The following DLG2 variants were observed in gnomAD, a reference collection of about 807,000 sequenced individuals.
DLG2 encodes the protein disks large homolog 2.
DLG2 carries 45 observed loss-of-function variants against 132.5 expected under a neutral mutation model. The observed-to-expected ratio is 0.34, with a 90% CI of 0.27 to 0.44. The LOEUF is 0.44. Ranked by LOEUF, DLG2 falls within the 20% of genes least tolerant of loss-of-function variation. The pLI, the probability that DLG2 is intolerant of heterozygous loss-of-function variation, is 1.00. For synonymous variants in DLG2, 424 were observed against 419.6 expected (o/e 1.01, Z -0.13); for missense variants, 1,045 against 1,196.9 (o/e 0.87, Z 1.87).
At chr11:84,929,106 C>A (rs976235388) in intron 6 of DLG2, among the ~76,000 whole-genome samples, 10 of 147,618 alleles carry the variant, frequency 6.8e-5, no homozygotes, top group African/African-American at 2.5e-4. Context: ...TTGATCCTTA[C>A]ATAAGCCCTA....
At chr11:85,220,537 C>T (rs1342681685) in intron 4 of DLG2, among the ~76,000 whole-genome samples, 1 of 151,454 alleles carries the variant, frequency 6.6e-6, no homozygotes, top group Admixed American at 6.6e-5. Flanking sequence ...CTCTCCACTA[C>T]CAACTAAATA....
chr11:83,553,385 A>T (rs1010030950), intron 19 of DLG2, among the ~76,000 whole-genome samples: 3 of 152,130 alleles, frequency 2.0e-5, no homozygotes, highest in African/African-American at 7.2e-5. Flanking sequence ...ATTCAATAAA[A>T]CATGGTAGAA....
At chr11:85,155,896 G>A (rs539804451) in intron 4 of DLG2, among the ~76,000 whole-genome samples, 6 of 151,220 alleles carry the variant, frequency 4.0e-5, no homozygotes, top group South Asian at 2.1e-4. Context: ...TTTAATGCAC[G>A]TTAATGAGGA....
At chr11:83,997,448 A>C (rs558070141) in intron 11 of DLG2, among the ~76,000 whole-genome samples, 2 of 152,214 alleles carry the variant, frequency 1.3e-5, no homozygotes, top group Admixed American at 1.3e-4. Flanking sequence ...GACTATGCCA[A>C]ATAAGACCAG....
chr11:84,453,584 T>G (rs1021270924), intron 7 of DLG2, among the ~76,000 whole-genome samples: 1 of 151,690 alleles, frequency 6.6e-6, no homozygotes, highest in African/African-American at 2.4e-5. Context: ...GTGGTTAAGA[T>G]GACTACCAAA....
chr11:83,633,343 G>A lies in DLG2; in HGVS notation c.1826-18C>T, dbSNP rs766224405. 6.2e-7 allele frequency: 1 copy of A among 1,608,448 alleles called. No homozygotes were observed. Among genetic ancestry groups the A allele is most frequent in the South Asian group, 1.1e-5 (1 of 90,360 alleles). ...AGCGTAATCTGGGAATGAAAACAAA[G>A]GTAGCAAATTTTGCTCTGTGCCCTC... On this transcript the variant is annotated intron_variant, in intron 18 of 27. Coordinates refer to ENST00000376104, the MANE Select transcript of DLG2 (RefSeq NM_001142699.3).
chr11:84,861,084 C>T lies in DLG2; in HGVS notation c.357+250577G>A, dbSNP rs1600081617. Among the ~76,000 whole-genome samples the T allele has an allele frequency of 5.9e-5, 9 of 152,052 alleles. No homozygotes were observed. In the South Asian group the frequency reaches 1.9e-3, roughly 32 times the overall value. ...AACCACAATACAGTATGAGAAATAC[C>T]ACTAAAATGGTACTTGGTAACAGCA... On this transcript the variant is annotated intron_variant, in intron 6 of 27. Coordinates refer to ENST00000376104, the MANE Select transcript of DLG2 (RefSeq NM_001142699.3).
intron 6 of DLG2, among the ~76,000 whole-genome samples, chr11:84,881,509 A>C (rs1039220840): frequency 6.6e-6 from 1 of 152,100 alleles, no homozygotes; most frequent in Non-Finnish European, 1.5e-5. Flanking sequence ...TGCCAATTCA[A>C]AGGGTCCAGT....
chr11:84,566,858 G>C (rs960474114), intron 6 of DLG2, among the ~76,000 whole-genome samples: 4 of 152,084 alleles, frequency 2.6e-5, no homozygotes, highest in Admixed American at 6.6e-5. Context: ...GTCCTTTCTC[G>C]AGTCTGCAGA....
chr11:84,169,668 T>A (rs1430403687), intron 8 of DLG2, among the ~76,000 whole-genome samples: 1 of 148,392 alleles, frequency 6.7e-6, no homozygotes, highest in Non-Finnish European at 1.5e-5. Context: ...AAGTCAGGAG[T>A]TCATGATCAG....
chr11:84,778,664 T>C (rs1412933094), intron 6 of DLG2, among the ~76,000 whole-genome samples: 2 of 152,144 alleles, frequency 1.3e-5, no homozygotes, highest in Non-Finnish European at 2.9e-5. Context: ...TCACCTTCTG[T>C]GATGGTTAAT....
chr11:85,583,088 ATGTGTGTGTG>A lies in DLG2; in HGVS notation c.40+15559_40+15568del, dbSNP rs3068389. Among the ~76,000 whole-genome samples, 103 of 29,824 alleles carry A rather than the reference ATGTGTGTGTG, an allele frequency of 3.5e-3. 1 individual carries two copies. The highest frequency in any genetic ancestry group is 5.7e-3 in the South Asian group (4 of 702). 19.6% of individuals were successfully genotyped at this position (29,824 alleles called of 152,430 possible). A position where few individuals can be genotyped will look rare whatever the true frequency, so the allele number is the denominator to read the frequency against. ...TATATATATATATATAATATATGTG[ATGTGTGTGTG>A]TGTGTGTGTGTGTGTGTGTGTGTGT... On this transcript the variant is annotated intron_variant, in intron 3 of 27. Transcript: ENST00000376104.
At position 85,587,657 on chromosome 11, in the gene DLG2, G is replaced by A. The variant is rs546972638; in HGVS notation, c.40+11000C>T. 1.2e-4 allele frequency among the ~76,000 whole-genome samples: 19 copies of A among 152,262 alleles called. No homozygotes were observed. The East Asian group carries it at 3.5e-3, about 28-fold the overall frequency. ...GGATTTTTATCCATGCTGCCATTCT[G>A]TATTTTTTAAGTGAGCATTTAGGTC... On this transcript the variant is annotated intron_variant, in intron 3 of 27. Transcript: ENST00000376104.
chr11:84,702,564 C>A (rs1813560795), intron 6 of DLG2, among the ~76,000 whole-genome samples: 1 of 151,618 alleles, frequency 6.6e-6, no homozygotes, highest in South Asian at 2.1e-4. Context: ...CCTTGATTAT[C>A]CTCTCAAATA....
At chr11:85,490,924 G>C (rs563026301) in intron 3 of DLG2, among the ~76,000 whole-genome samples, 89 of 152,160 alleles carry the variant, frequency 5.8e-4, no homozygotes, top group Non-Finnish European at 9.7e-4. Context: ...TTCAATCTAT[G>C]AGGCCGGTAC....
At chr11:84,975,650 T>G (rs2054792995) in intron 6 of DLG2, among the ~76,000 whole-genome samples, 1 of 110,158 alleles carries the variant, frequency 9.1e-6, no homozygotes, top group Non-Finnish European at 1.9e-5. Context: ...AATTTTTTTG[T>G]TATTCATCAA....
chr11:84,249,801 G>T (rs139334006), intron 8 of DLG2, among the ~76,000 whole-genome samples: 1 of 152,096 alleles, frequency 6.6e-6, no homozygotes, highest in African/African-American at 2.4e-5. Flanking sequence ...CCTTGTTTCC[G>T]GTCTGGTCCC....
chr11:84,862,210 T>G (rs541024667), intron 6 of DLG2, among the ~76,000 whole-genome samples: 11 of 151,406 alleles, frequency 7.3e-5, no homozygotes, highest in Admixed American at 4.0e-4. Flanking sequence ...AAATAAAAAA[T>G]AAAAAGAAAA....
chr11:85,414,229 G>T (rs1223003607), intron 3 of DLG2, among the ~76,000 whole-genome samples: 1 of 152,010 alleles, frequency 6.6e-6, no homozygotes, highest in African/African-American at 2.4e-5. Context: ...AAGAGCTACT[G>T]ATTTGTGTAC....
Sources: allele counts gnomAD v4.1 joint callset (sites outside exome capture counted in the v4.1 genomes callset), GRCh38; gene constraint gnomAD v4.1.1; transcripts MANE v1.5; gene names NCBI Gene and HGNC (gene_info 2026-07-23, HGNC 2026-07-21).